TAFA1: variants seen among roughly 807,000 people sequenced by gnomAD.
TAFA1 encodes the protein TAFA chemokine like family member 1, also known as chemokine-like protein TAFA-1.
A neutral mutation model predicts 18.5 loss-of-function variants in TAFA1; 4 were observed. That is an observed-to-expected ratio of 0.22 (90% confidence interval 0.11 to 0.49). The LOEUF is 0.49. TAFA1 is among the 20% of genes least tolerant of loss of function. The pLI, the probability that TAFA1 is intolerant of heterozygous loss-of-function variation, is 0.98. For synonymous variants in TAFA1, 56 were observed against 55.2 expected (o/e 1.01, Z -0.06); for missense variants, 147 against 169.0 (o/e 0.87, Z 0.72).
intron 2 of TAFA1, among the ~76,000 whole-genome samples, chr3:68,339,284 G>A (rs2069039420): frequency 6.6e-6 from 1 of 152,098 alleles, no homozygotes. Context: ...ATTAAAACAA[G>A]ATTTTACTTT....
At chr3:68,258,276 CA>C (rs1484246296) in intron 2 of TAFA1, among the ~76,000 whole-genome samples, 4 of 152,092 alleles carry the variant, frequency 2.6e-5, no homozygotes, top group East Asian at 1.9e-4. Flanking sequence ...TAAAATATTT[CA>C]AAACATTTTC....
intron 2 of TAFA1, among the ~76,000 whole-genome samples, chr3:68,228,577 G>A (rs572153004): frequency 1.3e-5 from 2 of 152,202 alleles, no homozygotes; most frequent in South Asian, 4.1e-4. Flanking sequence ...CTTAGTTATT[G>A]ATTTTCTTAC....
intron 2 of TAFA1, among the ~76,000 whole-genome samples, chr3:68,207,132 TA>T (rs1338296652): frequency 6.6e-6 from 1 of 151,946 alleles, no homozygotes; most frequent in Non-Finnish European, 1.5e-5. Flanking sequence ...GAATAGTTTT[TA>T]GAAAGCAGTA....
intron 2 of TAFA1, among the ~76,000 whole-genome samples, chr3:68,156,970 C>T (rs1305560632): frequency 1.3e-5 from 2 of 152,108 alleles, no homozygotes; most frequent in Non-Finnish European, 2.9e-5. Context: ...TGCTTTACTG[C>T]CTTTATAAGC....
At chr3:68,487,215 G>A (rs1210818183) in intron 3 of TAFA1, among the ~76,000 whole-genome samples, 1 of 152,176 alleles carries the variant, frequency 6.6e-6, no homozygotes, top group East Asian at 1.9e-4. Flanking sequence ...AAACTTGATA[G>A]TACTTGATAG....
At chr3:68,425,954 C>T (rs1211637794) in intron 3 of TAFA1, among the ~76,000 whole-genome samples, 1 of 151,814 alleles carries the variant, frequency 6.6e-6, no homozygotes, top group Non-Finnish European at 1.5e-5. Flanking sequence ...GATGTTCCTG[C>T]CTGGTCCTTA....
chr3:68,012,745 A>G lies in TAFA1; in HGVS notation c.118+6001A>G, dbSNP rs149525024. Among the ~76,000 whole-genome samples the G allele has an allele frequency of 8.8e-3, 1,338 of 152,278 alleles. 17 individuals carry two copies. Among genetic ancestry groups the G allele is most frequent in the Middle Eastern group, 0.071 (21 of 294 alleles). On this transcript the variant is annotated intron_variant, in intron 2 of 4. Transcript: ENST00000478136. Reference sequence around the variant, plus strand: ...AATGGTAAAATTAGAAAGATACCAAACCACGTTTCCAGTTTAAGAAAAAAG... The same window carrying G: ...AATGGTAAAATTAGAAAGATACCAAGCCACGTTTCCAGTTTAAGAAAAAAG...
intron 2 of TAFA1, among the ~76,000 whole-genome samples, chr3:68,361,833 C>T (rs2069474334): frequency 6.6e-6 from 1 of 151,926 alleles, no homozygotes; most frequent in African/African-American, 2.4e-5. Flanking sequence ...ATCTTATGCC[C>T]ATTTTACAGG....
chr3:68,005,184 G>A (rs1412992570), intron 1 of TAFA1, among the ~76,000 whole-genome samples: 1 of 152,160 alleles, frequency 6.6e-6, no homozygotes, highest in Admixed American at 6.5e-5. Flanking sequence ...TTTCACAGGA[G>A]GGGTGTTGCT....
chr3:68,016,567 T>A lies in TAFA1; in HGVS notation c.118+9823T>A, dbSNP rs575857481. On this transcript the variant is annotated intron_variant, in intron 2 of 4. Transcript: ENST00000478136. ...TATACAGCTTGTAGCTTAGGAGCAA[T>A]AATCTATATCATATAGCCTAGGTGG... Among the ~76,000 whole-genome samples, 6 of 152,334 alleles carry A rather than the reference T, an allele frequency of 3.9e-5. No homozygotes were observed. In the South Asian group the frequency reaches 1.2e-3, roughly 32 times the overall value.
intron 3 of TAFA1, among the ~76,000 whole-genome samples, chr3:68,484,215 A>G (rs897877309): frequency 6.6e-6 from 1 of 152,166 alleles, no homozygotes; most frequent in African/African-American, 2.4e-5. Flanking sequence ...TATATTTTAG[A>G]CTTATAGCGT....
At chr3:68,157,389 G>A (rs1238376581) in intron 2 of TAFA1, among the ~76,000 whole-genome samples, 1 of 152,162 alleles carries the variant, frequency 6.6e-6, no homozygotes, top group African/African-American at 2.4e-5. Flanking sequence ...CATCTGATAA[G>A]TAAGCTTGTT....
At position 68,479,099 on chromosome 3, in the gene TAFA1, C is replaced by T. The variant is rs545727386; in HGVS notation, c.260-59657C>T. ...TACAAAAATTAACTGGGCATGGTGACGCGCGCCTGTAGTCCCAGCCACTTA... is the reference window on the plus strand; with the variant it reads ...TACAAAAATTAACTGGGCATGGTGATGCGCGCCTGTAGTCCCAGCCACTTA... On this transcript the variant is annotated intron_variant, in intron 3 of 4. Coordinates refer to ENST00000478136, the MANE Select transcript of TAFA1 (RefSeq NM_213609.4). Among the ~76,000 whole-genome samples, 477 of 150,228 alleles carry T rather than the reference C, an allele frequency of 3.2e-3. 4 individuals are homozygous for T. Among genetic ancestry groups the T allele is most frequent in the African/African-American group, 0.011 (445 of 41,026 alleles).
intron 2 of TAFA1, among the ~76,000 whole-genome samples, chr3:68,179,006 T>G (rs1046809907): frequency 6.6e-6 from 1 of 152,320 alleles, no homozygotes; most frequent in Non-Finnish European, 1.5e-5. Flanking sequence ...AGATATTGTA[T>G]GTTTTTACTG....
chr3:68,003,785 G>A (rs1704313430), upstream of TAFA1, among the ~76,000 whole-genome samples: 4 of 152,098 alleles, frequency 2.6e-5, no homozygotes, highest in South Asian at 8.3e-4. Context: ...TATTAAACAT[G>A]TTCAAAAAGT....
intron 2 of TAFA1, among the ~76,000 whole-genome samples, chr3:68,237,301 T>A (rs1239628469): frequency 1.3e-5 from 2 of 152,150 alleles, no homozygotes; most frequent in South Asian, 2.1e-4. Context: ...CTAGTCACAT[T>A]TGTGAGGGCA....
chr3:68,034,979 C>T (rs1000860883), intron 2 of TAFA1, among the ~76,000 whole-genome samples: 5 of 152,126 alleles, frequency 3.3e-5, no homozygotes, highest in African/African-American at 1.2e-4. Context: ...TAATTTCCAC[C>T]TGAAGATCCT....
chr3:68,221,100 C>T (rs2066724150), intron 2 of TAFA1, among the ~76,000 whole-genome samples: 1 of 152,206 alleles, frequency 6.6e-6, no homozygotes, highest in East Asian at 1.9e-4. Flanking sequence ...CTCAAGACTT[C>T]CCTCTGGCCA....
chr3:68,059,665 G>T (rs987808769), intron 2 of TAFA1, among the ~76,000 whole-genome samples: 1 of 152,176 alleles, frequency 6.6e-6, no homozygotes, highest in African/African-American at 2.4e-5. Context: ...CAATGACAGA[G>T]GGGCCTGGGA....
Sources: allele counts gnomAD v4.1 joint callset (sites outside exome capture counted in the v4.1 genomes callset), GRCh38; gene constraint gnomAD v4.1.1; transcripts MANE v1.5; gene names NCBI Gene and HGNC (gene_info 2026-07-23, HGNC 2026-07-21).